Variants in STARD13 observed in about 807,000 individuals in gnomAD.
STARD13 encodes the protein stAR-related lipid transfer protein 13.
A neutral mutation model predicts 106.4 loss-of-function variants in STARD13; 62 were observed. The observed-to-expected ratio is 0.58, with a 90% CI of 0.48 to 0.72. The LOEUF (loss-of-function observed/expected upper bound fraction) is 0.72. Among genes scored for constraint, STARD13 ranks in the 30% least tolerant of loss-of-function variants. The probability of loss-of-function intolerance (pLI) is 0.00; values close to 1 mark genes in which losing one functional copy is unlikely to be tolerated. For synonymous variants in STARD13, 565 were observed against 553.0 expected (o/e 1.02, Z -0.31); for missense variants, 1,387 against 1,424.0 (o/e 0.97, Z 0.42).
At chr13:33,282,740 T>A (rs1307458311) in intron 1 of STARD13, among the ~76,000 whole-genome samples, 1 of 152,198 alleles carries the variant, frequency 6.6e-6, no homozygotes, top group Non-Finnish European at 1.5e-5. Flanking sequence ...TTAAAAGCTG[T>A]TAGTGACAGG....
chr13:33,402,066 T>C, the STARD13 span, among the ~76,000 whole-genome samples: 1 of 152,208 alleles, frequency 6.6e-6, no homozygotes, highest in African/African-American at 2.4e-5. Context: ...TCAAGGCCTA[T>C]AATAAGCCTG....
chr13:33,241,017 A>G (rs1293788429), intron 1 of STARD13, among the ~76,000 whole-genome samples: 1 of 152,202 alleles, frequency 6.6e-6, no homozygotes, highest in African/African-American at 2.4e-5. Context: ...GCAAACAGAG[A>G]TACTTTCATT....
chr13:33,271,873 C>T (rs1475294725), intron 1 of STARD13, among the ~76,000 whole-genome samples: 2 of 152,032 alleles, frequency 1.3e-5, no homozygotes, highest in Admixed American at 6.6e-5. Flanking sequence ...AACATGCCTA[C>T]GTATAATTAT....
At chr13:33,216,069 T>C (rs983758834) in intron 1 of STARD13, among the ~76,000 whole-genome samples, 101 of 152,190 alleles carry the variant, frequency 6.6e-4, no homozygotes, top group African/African-American at 2.3e-3. Context: ...AATAAATAGA[T>C]GTTGGCGTGG....
intron 1 of STARD13, among the ~76,000 whole-genome samples, chr13:33,213,062 G>T (rs1173585255): frequency 6.6e-6 from 1 of 152,072 alleles, no homozygotes; most frequent in Admixed American, 6.5e-5. Context: ...ATCCAAAAAG[G>T]TTCCGTAAGA....
At chr13:33,284,453 T>C (rs1482188440) in intron 1 of STARD13, among the ~76,000 whole-genome samples, 3 of 152,244 alleles carry the variant, frequency 2.0e-5, no homozygotes, top group Admixed American at 6.5e-5. Flanking sequence ...TAAAAATTCC[T>C]GGTTAACTTA....
chr13:33,155,482 T>C (rs1881841012), intron 3 of STARD13: 1 of 152,184 alleles, frequency 6.6e-6, no homozygotes, highest in Non-Finnish European at 1.5e-5. Flanking sequence ...TACAAACACC[T>C]GAAATATACA....
chr13:33,107,878 C>T (rs1171379433), intron 12 of STARD13, among the ~76,000 whole-genome samples: 2 of 152,106 alleles, frequency 1.3e-5, no homozygotes, highest in African/African-American at 4.8e-5. Context: ...TATTAGAATT[C>T]CCATGATTTA....
At chr13:33,329,704 CTTT>C (rs1270014763) in intron 1 of STARD13, among the ~76,000 whole-genome samples, 3 of 126,288 alleles carry the variant, frequency 2.4e-5, no homozygotes, top group African/African-American at 2.9e-5. Context: ...CACTTTCTTT[CTTT>C]TTTTTTTTTT....
the STARD13 span, among the ~76,000 whole-genome samples, chr13:33,440,772 T>A: frequency 7.0e-6 from 1 of 142,848 alleles, no homozygotes; most frequent in African/African-American, 2.6e-5. Context: ...CAGCGATTTT[T>A]TTTTTTTTTT....
At chr13:33,215,009 A>G (rs1183693262) in intron 1 of STARD13, among the ~76,000 whole-genome samples, 2 of 151,886 alleles carry the variant, frequency 1.3e-5, no homozygotes, top group Non-Finnish European at 2.9e-5. Flanking sequence ...TTTTCCCCTC[A>G]GACACATAGA....
the STARD13 span, among the ~76,000 whole-genome samples, chr13:33,650,172 T>G: frequency 1.7e-5 from 1 of 60,482 alleles, no homozygotes; most frequent in African/African-American, 1.3e-4. Flanking sequence ...CAATTTTTTT[T>G]TTTTTTTTTT....
chr13:33,548,398 A>C, the STARD13 span, among the ~76,000 whole-genome samples: 2 of 152,216 alleles, frequency 1.3e-5, no homozygotes, highest in Non-Finnish European at 2.9e-5. Context: ...TAAAAGTGGA[A>C]TAGTGCATAG....
At chr13:33,167,919 C>T (rs967207762) in intron 1 of STARD13, among the ~76,000 whole-genome samples, 3 of 151,390 alleles carry the variant, frequency 2.0e-5, no homozygotes, top group Non-Finnish European at 4.4e-5. Context: ...GGAAAAATGT[C>T]TTATTTATAC....
the STARD13 span, among the ~76,000 whole-genome samples, chr13:33,536,532 G>A: frequency 5.8e-4 from 88 of 152,288 alleles, no homozygotes; most frequent in African/African-American, 2.0e-3. Context: ...TGATTATGCT[G>A]TCTTGGTAAG....
the STARD13 span, among the ~76,000 whole-genome samples, chr13:33,388,346 G>T: frequency 6.6e-6 from 1 of 152,354 alleles, no homozygotes; most frequent in East Asian, 1.9e-4. Flanking sequence ...AGGCCAGTTT[G>T]TGCTTGCCTT....
chr13:33,671,493 G>C, the STARD13 span, among the ~76,000 whole-genome samples: 1 of 152,184 alleles, frequency 6.6e-6, no homozygotes, highest in Non-Finnish European at 1.5e-5. Flanking sequence ...AACACTGAGA[G>C]GCTGAGGCAG....
chr13:33,295,712 G>A (rs1198279948), intron 1 of STARD13, among the ~76,000 whole-genome samples: 1 of 152,054 alleles, frequency 6.6e-6, no homozygotes. Flanking sequence ...CCCGGGGGGG[G>A]CAGAGGAGAG....
chr13:33,195,634 A>G (rs1189805543), intron 1 of STARD13, among the ~76,000 whole-genome samples: 4 of 152,224 alleles, frequency 2.6e-5, no homozygotes, highest in Non-Finnish European at 4.4e-5. Flanking sequence ...CGACAGTATT[A>G]TCGTAAAGCA....
Sources: allele counts gnomAD v4.1 joint callset (sites outside exome capture counted in the v4.1 genomes callset), GRCh38; gene constraint gnomAD v4.1.1; transcripts MANE v1.5; gene names NCBI Gene and HGNC (gene_info 2026-07-23, HGNC 2026-07-21).